Variants in BICC1 observed in about 807,000 individuals in gnomAD.
BICC1 encodes protein bicaudal C homolog 1.
Under a neutral mutation model 111.0 loss-of-function variants are expected in BICC1, and 43 were observed. The ratio of observed to expected loss-of-function variants is 0.39; its 90% confidence interval spans 0.30 to 0.50. The LOEUF is 0.50. BICC1 is among the 20% of genes least tolerant of loss of function. The probability of loss-of-function intolerance (pLI) is 0.88; values close to 1 mark genes in which losing one functional copy is unlikely to be tolerated. For missense variants in BICC1, 1,091 were observed against 1,203.2 expected, an observed-to-expected ratio of 0.91 and a Z score of 1.38; for synonymous variants, 467 against 434.4, an observed-to-expected ratio of 1.07 and a Z score of -0.93.
chr10:58,816,612 G>A (rs890916429), intron 18 of BICC1, among the ~76,000 whole-genome samples: 1 of 152,070 alleles, frequency 6.6e-6, no homozygotes, highest in Admixed American at 6.6e-5. Context: ...GGTCAGTGTT[G>A]TCCTCCCTCA....
intron 20 of BICC1, among the ~76,000 whole-genome samples, chr10:58,822,469 T>C (rs188162032): frequency 2.6e-5 from 4 of 152,236 alleles, no homozygotes; most frequent in Admixed American, 2.6e-4. Context: ...AAAAAAATAA[T>C]ATTTTTTCTA....
At chr10:58,603,740 T>G (rs1845117596) in intron 1 of BICC1, among the ~76,000 whole-genome samples, 1 of 152,154 alleles carries the variant, frequency 6.6e-6, no homozygotes, top group Non-Finnish European at 1.5e-5. Context: ...GAGGTGGAAT[T>G]CTACTTGCAG....
At chr10:58,519,858 A>G (rs181334682) in intron 1 of BICC1, among the ~76,000 whole-genome samples, 6 of 152,070 alleles carry the variant, frequency 3.9e-5, no homozygotes, top group Admixed American at 2.0e-4. Flanking sequence ...TTTTTTTTCC[A>G]TAGAAAATTA....
chr10:58,705,075 G>C (rs12244016), intron 3 of BICC1, among the ~76,000 whole-genome samples: 3,137 of 152,308 alleles, frequency 0.021, 117 homozygotes, highest in African/African-American at 0.072. Context: ...CTGGCAAGAA[G>C]GCAAGCAGCC....
chr10:58,616,729 G>A (rs1288855491), intron 1 of BICC1, among the ~76,000 whole-genome samples: 1 of 152,242 alleles, frequency 6.6e-6, no homozygotes, highest in African/African-American at 2.4e-5. Context: ...GTACCACTTT[G>A]TGGTGGACTT....
At chr10:58,618,512 G>T (rs1845693474) in intron 1 of BICC1, among the ~76,000 whole-genome samples, 1 of 152,118 alleles carries the variant, frequency 6.6e-6, no homozygotes, top group Non-Finnish European at 1.5e-5. Flanking sequence ...CACAGTTCAC[G>T]CCCAGGCTCA....
In BICC1 at chr10:58,638,361, T is replaced by C. The variant is rs142094013; in HGVS notation, c.237+17460T>C. Among the ~76,000 whole-genome samples, 10 of 152,118 alleles carry C rather than the reference T, an allele frequency of 6.6e-5. No homozygotes were observed. The East Asian group carries it at 1.9e-3, about 29-fold the overall frequency. On this transcript the variant is annotated intron_variant, in intron 2 of 20. Transcript: ENST00000373886. ...AAAAAAACAGCTTAAAAATGTCAAA[T>C]AGGAAATGTGGGGATAAGTGTATTC...
At chr10:58,625,723 C>T (rs1248081063) in intron 2 of BICC1, among the ~76,000 whole-genome samples, 2 of 152,178 alleles carry the variant, frequency 1.3e-5, no homozygotes, top group East Asian at 3.9e-4. Flanking sequence ...TGGAAAATAG[C>T]AAGTGTTGTC....
At chr10:58,513,887 G>T (rs1461834679) in intron 1 of BICC1, among the ~76,000 whole-genome samples, 1 of 152,220 alleles carries the variant, frequency 6.6e-6, no homozygotes, top group Non-Finnish European at 1.5e-5. Flanking sequence ...CAGGATCGGG[G>T]TGAGCAGCCA....
chr10:58,801,152 C>A, intron 14 of BICC1, 106 bp downstream of exon 14: 1 of 980,878 alleles, frequency 1.0e-6, no homozygotes, highest in Non-Finnish European at 1.4e-6. Flanking sequence ...TTGATCTCAT[C>A]CATGGGTGTT....
At chr10:58,801,739 A>T (rs577966239) in intron 14 of BICC1, among the ~76,000 whole-genome samples, 3 of 152,072 alleles carry the variant, frequency 2.0e-5, no homozygotes, top group Non-Finnish European at 4.4e-5. Context: ...ATTAGCGTAC[A>T]TGGTTTTATT....
In BICC1 at chr10:58,789,921, G is replaced by A; in HGVS notation, c.1035G>A (p.Arg345=). ...QGTIESVCLA[R]QYLMGCLPLV... ...CCATTGAGTCTGTCTGTCTTGCAAG[G>A]CAATATCTCATGGTAAGGTTACTGA... Residue 345 remains arginine, a synonymous_variant, in exon 8 of 21, where the codon AGG becomes AGA. Coordinates refer to ENST00000373886, the MANE Select transcript of BICC1 (RefSeq NM_001080512.3). 3 of 1,614,034 alleles carry A rather than the reference G, an allele frequency of 1.9e-6. No homozygotes were observed. The highest frequency in any genetic ancestry group is 1.3e-5 in the African/African-American group (1 of 75,038).
chr10:58,571,188 T>TGGTG (rs1843938482), intron 1 of BICC1, among the ~76,000 whole-genome samples: 1 of 152,188 alleles, frequency 6.6e-6, no homozygotes, highest in Admixed American at 6.5e-5. Flanking sequence ...GTCCTAAGAA[T>TGGTG]TCAGGGACTT....
At chr10:58,601,534 G>A (rs1287705274) in intron 1 of BICC1, among the ~76,000 whole-genome samples, 1 of 151,690 alleles carries the variant, frequency 6.6e-6, no homozygotes, top group Non-Finnish European at 1.5e-5. Context: ...ACATGTTTGT[G>A]GCAGTAGTTT....
chr10:58,523,794 T>C (rs1589059871), intron 1 of BICC1, among the ~76,000 whole-genome samples: 1 of 152,116 alleles, frequency 6.6e-6, no homozygotes, highest in East Asian at 1.9e-4. Context: ...TGATTGTATA[T>C]CTAGAAAACC....
intron 3 of BICC1, among the ~76,000 whole-genome samples, chr10:58,725,112 G>A (rs904713674): frequency 2.6e-5 from 4 of 152,146 alleles, no homozygotes; most frequent in South Asian, 2.1e-4. Flanking sequence ...CTTGTTTAAC[G>A]TGTGGCTTAC....
At chr10:58,556,667 A>G (rs1019305375) in intron 1 of BICC1, among the ~76,000 whole-genome samples, 2 of 151,894 alleles carry the variant, frequency 1.3e-5, no homozygotes, top group African/African-American at 2.4e-5. Flanking sequence ...TTATGTAAAT[A>G]TTTGCTGTGG....
At chr10:58,539,685 CATA>C (rs955914498) in intron 1 of BICC1, among the ~76,000 whole-genome samples, 6 of 151,746 alleles carry the variant, frequency 4.0e-5, no homozygotes, top group African/African-American at 1.2e-4. Flanking sequence ...GAAATAGTAA[CATA>C]ATAATAATAG....
chr10:58,678,066 C>T (rs973309884), intron 2 of BICC1, among the ~76,000 whole-genome samples: 3 of 152,122 alleles, frequency 2.0e-5, no homozygotes, highest in African/African-American at 2.4e-5. Context: ...AAGGAAAAAA[C>T]GGGACCAGCT....
Sources: gnomAD v4.1 joint callset for allele counts (sites outside exome capture counted in the v4.1 genomes callset) on GRCh38, gnomAD v4.1.1 for gene constraint, MANE v1.5 for transcripts, NCBI Gene and HGNC (gene_info 2026-07-23, HGNC 2026-07-21) for gene names.